Variants in CNTNAP5 observed in about 807,000 individuals in gnomAD.
CNTNAP5 encodes contactin-associated protein-like 5.
CNTNAP5 carries 72 observed loss-of-function variants against 150.2 expected under a neutral mutation model. The ratio of observed to expected loss-of-function variants is 0.48; its 90% CI spans 0.40 to 0.58. CNTNAP5 has a LOEUF of 0.58. CNTNAP5 is among the 20% of genes least tolerant of loss of function. The pLI is 0.00. For missense variants in CNTNAP5, 1,636 were observed against 1,626.2 expected, an observed-to-expected ratio of 1.01 and a Z score of -0.10; for synonymous variants, 672 against 619.8, an observed-to-expected ratio of 1.08 and a Z score of -1.25.
chr2:124,865,524 T>C, intron 20 of CNTNAP5, 88 bp downstream of exon 20: 1 of 1,202,192 alleles, frequency 8.3e-7, no homozygotes, highest in South Asian at 1.4e-5. Context: ...GCCAGTGTAG[T>C]GCCTAGTGCT....
intron 11 of CNTNAP5, among the ~76,000 whole-genome samples, chr2:124,564,146 G>C (rs911321483): frequency 3.3e-5 from 5 of 152,146 alleles, no homozygotes; most frequent in Admixed American, 2.6e-4. Context: ...CAGAAGCAAA[G>C]AAACAAATGG....
chr2:124,379,775 G>A (rs536770829), intron 3 of CNTNAP5, among the ~76,000 whole-genome samples: 1 of 152,224 alleles, frequency 6.6e-6, no homozygotes, highest in Non-Finnish European at 1.5e-5. Context: ...AGTGGTAACT[G>A]CAGCTGCCTG....
chr2:124,302,039 T>G (rs1011323773), intron 3 of CNTNAP5, among the ~76,000 whole-genome samples: 8 of 152,172 alleles, frequency 5.3e-5, no homozygotes, highest in African/African-American at 1.9e-4. Flanking sequence ...TAAGATGGCA[T>G]ACACAGAGGA....
intron 7 of CNTNAP5, among the ~76,000 whole-genome samples, chr2:124,490,369 G>A (rs1466091925): frequency 5.8e-5 from 6 of 103,742 alleles, no homozygotes; most frequent in Admixed American, 2.4e-4. Flanking sequence ...GAGAGAGAGA[G>A]AAAGAAAGAG....
At chr2:124,172,773 CTCTCTCTGTGTGTG>C in intron 1 of CNTNAP5, among the ~76,000 whole-genome samples, 1 of 56,842 alleles carries the variant, frequency 1.8e-5, no homozygotes, top group African/African-American at 6.0e-5. Context: ...GGCTCTCTCT[CTCTCTCTGTGTGTG>C]TGTGTGTGTG....
intron 3 of CNTNAP5, among the ~76,000 whole-genome samples, chr2:124,307,002 A>G (rs563117291): frequency 1.3e-5 from 2 of 152,012 alleles, no homozygotes; most frequent in African/African-American, 2.4e-5. Context: ...TGCTGGGATT[A>G]TAGGAATGAG....
chr2:124,809,454 T>C (rs553523829), intron 19 of CNTNAP5, among the ~76,000 whole-genome samples: 1 of 151,852 alleles, frequency 6.6e-6, no homozygotes, highest in South Asian at 2.1e-4. Context: ...TCGCCCAGGC[T>C]GCAGTGCAGT....
At chr2:124,858,739 C>T (rs1204999124) in intron 19 of CNTNAP5, among the ~76,000 whole-genome samples, 1 of 152,002 alleles carries the variant, frequency 6.6e-6, no homozygotes, top group African/African-American at 2.4e-5. Context: ...AATCATATCA[C>T]CAGAGAAAAC....
chr2:124,334,808 T>C (rs1198889616), intron 3 of CNTNAP5, among the ~76,000 whole-genome samples: 2 of 152,174 alleles, frequency 1.3e-5, no homozygotes, highest in African/African-American at 2.4e-5. Context: ...TTGCATAATA[T>C]GAGAGTTGTC....
chr2:124,567,882 T>TATAG (rs1553480454), intron 11 of CNTNAP5, among the ~76,000 whole-genome samples: 12 of 137,908 alleles, frequency 8.7e-5, no homozygotes, highest in East Asian at 6.2e-4. Context: ...GATAGATAGA[T>TATAG]ATAGATAGAT....
chr2:124,899,387 C>T (rs999200187), intron 21 of CNTNAP5, among the ~76,000 whole-genome samples: 31 of 151,528 alleles, frequency 2.0e-4, no homozygotes, highest in African/African-American at 7.1e-4. Context: ...ATCAGCAGCT[C>T]GTGCTGTTTT....
chr2:124,682,944 C>T (rs767707323), intron 13 of CNTNAP5, among the ~76,000 whole-genome samples: 10 of 152,138 alleles, frequency 6.6e-5, no homozygotes, highest in East Asian at 1.9e-4. Context: ...TTTACTTACA[C>T]GTAAACAACT....
intron 19 of CNTNAP5, among the ~76,000 whole-genome samples, chr2:124,839,806 C>G (rs1682908590): frequency 6.6e-6 from 1 of 152,104 alleles, no homozygotes; most frequent in Non-Finnish European, 1.5e-5. Flanking sequence ...TTTGTCTGAA[C>G]TAGAATGTAC....
intron 11 of CNTNAP5, among the ~76,000 whole-genome samples, chr2:124,573,731 A>T (rs1361342995): frequency 2.6e-5 from 4 of 152,206 alleles, no homozygotes; most frequent in Non-Finnish European, 5.9e-5. Context: ...TAAAAAATTC[A>T]ATATATGAAG....
chr2:124,115,514 A>G (rs1367758399), intron 1 of CNTNAP5, among the ~76,000 whole-genome samples: 2 of 152,224 alleles, frequency 1.3e-5, no homozygotes, highest in African/African-American at 4.8e-5. Context: ...TGGCAGAGCT[A>G]TAGGCAAAGG....
intron 9 of CNTNAP5, among the ~76,000 whole-genome samples, chr2:124,525,438 A>G (rs982891014): frequency 5.3e-5 from 8 of 152,250 alleles, no homozygotes; most frequent in Non-Finnish European, 1.0e-4. Context: ...GATATAAGTC[A>G]GGGTCTGGTC....
chr2:124,563,235 T>C lies in CNTNAP5; in HGVS notation c.1668T>C (p.Cys556=). ...SIKDRCLPNY[C]EHGGSCSQSW... ...CCATTAGGTGTTTGCCAAACTACTG[T>C]GAACATGGAGGAAGCTGCTCCCAGT... The change falls in exon 11 of 24, where the codon TGT becomes TGC. Residue 556 remains cysteine, a synonymous_variant. Coordinates refer to ENST00000682447, the MANE Select transcript of CNTNAP5 (RefSeq NM_001367498.1). The C allele has an allele frequency of 1.9e-6, 3 of 1,593,154 alleles. No individual in the cohort carries two copies. Among genetic ancestry groups the C allele is most frequent in the Non-Finnish European group, 2.6e-6 (3 of 1,168,526 alleles).
chr2:124,156,596 C>A (rs566462490), intron 1 of CNTNAP5, among the ~76,000 whole-genome samples: 314 of 152,196 alleles, frequency 2.1e-3, no homozygotes, highest in Non-Finnish European at 3.6e-3. Flanking sequence ...TCCAGGTTCA[C>A]GCGATTCTCC....
rs928947468 is a variant in CNTNAP5 at position 124,232,937 on chromosome 2, G to C, written c.188-9263G>C. ...AGATTAGGCACATAAAGATTGAAAGGTGTTCATATTTCTATTTCCAGAACA... is the reference window on the plus strand; with the variant it reads ...AGATTAGGCACATAAAGATTGAAAGCTGTTCATATTTCTATTTCCAGAACA... On this transcript the variant is annotated intron_variant, in intron 2 of 23. Coordinates refer to ENST00000682447, the MANE Select transcript of CNTNAP5 (RefSeq NM_001367498.1). Among the ~76,000 whole-genome samples, 9 of 151,908 alleles carry C rather than the reference G, an allele frequency of 5.9e-5. No individual in the cohort carries two copies. In the East Asian group the frequency reaches 1.7e-3, roughly 29 times the overall value.
Sources: allele counts gnomAD v4.1 joint callset (sites outside exome capture counted in the v4.1 genomes callset), GRCh38; gene constraint gnomAD v4.1.1; transcripts MANE v1.5; gene names NCBI Gene and HGNC (gene_info 2026-07-23, HGNC 2026-07-21).